Variants in IGF1R observed in about 807,000 individuals in gnomAD.
The protein encoded by IGF1R is insulin-like growth factor 1 receptor.
A neutral mutation model predicts 144.6 loss-of-function variants in IGF1R; 44 were observed. That is an observed-to-expected ratio of 0.30 (90% CI 0.24 to 0.39). IGF1R has a LOEUF of 0.39. IGF1R is among the 10% of genes least tolerant of loss of function. IGF1R has a pLI of 1.00. For synonymous variants in IGF1R, 795 were observed against 722.8 expected, an observed-to-expected ratio of 1.10 and a Z score of -1.60; for missense variants, 1,355 against 1,833.7, an observed-to-expected ratio of 0.74 and a Z score of 4.77.
intron 15 of IGF1R, among the ~76,000 whole-genome samples, chr15:98,931,294 T>C (rs917747081): frequency 7.2e-5 from 11 of 152,158 alleles, no homozygotes; most frequent in Non-Finnish European, 1.5e-5. Flanking sequence ...GAAAAAGTGT[T>C]TGCTGTCTTC....
intron 2 of IGF1R, among the ~76,000 whole-genome samples, chr15:98,808,772 T>C (rs564355847): frequency 2.0e-5 from 3 of 151,948 alleles, no homozygotes; most frequent in South Asian, 4.2e-4. Context: ...CTCAAAGTCC[T>C]GGGCTCAAGA....
At chr15:98,687,218 A>G (rs1267734632) in intron 1 of IGF1R, among the ~76,000 whole-genome samples, 1 of 152,208 alleles carries the variant, frequency 6.6e-6, no homozygotes, top group Non-Finnish European at 1.5e-5. Context: ...CCAGCTGCGC[A>G]TGGGATCACA....
At chr15:98,909,048 C>T (rs70961703) in intron 6 of IGF1R, 149 bp downstream of exon 6, 25 of 726,732 alleles carry the variant, frequency 3.4e-5, no homozygotes, top group African/African-American at 3.1e-4. Flanking sequence ...TTTGCTCCTA[C>T]TTATATGTCA....
chr15:98,748,763 A>G (rs1354206346), intron 2 of IGF1R, among the ~76,000 whole-genome samples: 2 of 152,210 alleles, frequency 1.3e-5, no homozygotes, highest in African/African-American at 4.8e-5. Flanking sequence ...GGCAATGGAT[A>G]TATGTAAGTT....
chr15:98,877,794 A>G (rs2013139218), intron 2 of IGF1R, among the ~76,000 whole-genome samples: 3 of 152,200 alleles, frequency 2.0e-5, no homozygotes, highest in Admixed American at 2.0e-4. Context: ...TACCTCGTAC[A>G]TTTATCACAG....
chr15:98,908,288 G>C (rs2014829760), intron 5 of IGF1R, among the ~76,000 whole-genome samples: 2 of 152,356 alleles, frequency 1.3e-5, no homozygotes, highest in South Asian at 4.1e-4. Context: ...TTAGAGCAAA[G>C]TGTACGCTGT....
At chr15:98,867,538 G>C (rs990394312) in intron 2 of IGF1R, among the ~76,000 whole-genome samples, 1 of 152,118 alleles carries the variant, frequency 6.6e-6, no homozygotes, top group Non-Finnish European at 1.5e-5. Context: ...CTCTTGGCTG[G>C]AAGTGTTCTT....
chr15:98,651,349 G>C (rs1437912420), intron 1 of IGF1R, among the ~76,000 whole-genome samples: 1 of 152,240 alleles, frequency 6.6e-6, no homozygotes, highest in South Asian at 2.1e-4. Context: ...ACAGATCTGG[G>C]CTCTCCTGCT....
At chr15:98,818,932 A>G (rs1443347759) in intron 2 of IGF1R, among the ~76,000 whole-genome samples, 2 of 152,104 alleles carry the variant, frequency 1.3e-5, no homozygotes, top group African/African-American at 2.4e-5. Context: ...GGGAATGGAG[A>G]CTGGGAGAGT....
At chr15:98,956,374 C>T (rs2016984301) in intron 20 of IGF1R, among the ~76,000 whole-genome samples, 1 of 152,256 alleles carries the variant, frequency 6.6e-6, no homozygotes, top group African/African-American at 2.4e-5. Context: ...TTCAGGTCTA[C>T]ACGGGGCCTC....
At chr15:98,658,743 T>G (rs2052538533) in intron 1 of IGF1R, among the ~76,000 whole-genome samples, 1 of 152,212 alleles carries the variant, frequency 6.6e-6, no homozygotes, top group African/African-American at 2.4e-5. Flanking sequence ...TACTTTCCCA[T>G]TACTCCTTTT....
chr15:98,900,291 A>G (rs909184761), intron 5 of IGF1R, among the ~76,000 whole-genome samples: 1 of 152,222 alleles, frequency 6.6e-6, no homozygotes, highest in African/African-American at 2.4e-5. Flanking sequence ...GTACCTTTGC[A>G]TATGTACTTT....
chr15:98,817,584 A>T (rs1372779112), intron 2 of IGF1R, among the ~76,000 whole-genome samples: 4 of 152,100 alleles, frequency 2.6e-5, no homozygotes, highest in African/African-American at 9.7e-5. Flanking sequence ...AGGAGAAAGG[A>T]TAAGAAGAAA....
chr15:98,795,958 G>A (rs1373511527), intron 2 of IGF1R, among the ~76,000 whole-genome samples: 1 of 152,166 alleles, frequency 6.6e-6, no homozygotes, highest in South Asian at 2.1e-4. Context: ...TTACTTTTTG[G>A]ATATCTGAAA....
chr15:98,921,250 T>C (rs921035691), intron 10 of IGF1R, among the ~76,000 whole-genome samples: 32 of 152,184 alleles, frequency 2.1e-4, no homozygotes, highest in African/African-American at 7.5e-4. Context: ...CTGTAAACAT[T>C]AGAATTCTGT....
chr15:98,651,988 G>A (rs1291075594), intron 1 of IGF1R, among the ~76,000 whole-genome samples: 3 of 152,182 alleles, frequency 2.0e-5, no homozygotes, highest in Admixed American at 1.3e-4. Context: ...AGCCCTATCA[G>A]GGAGGGCGTT....
At chr15:98,854,477 A>C (rs1213672543) in intron 2 of IGF1R, among the ~76,000 whole-genome samples, 1 of 152,160 alleles carries the variant, frequency 6.6e-6, no homozygotes, top group East Asian at 1.9e-4. Context: ...CTGGTAAATC[A>C]TCTCTCCCAT....
At chr15:98,939,171 C>A (rs2151713790) in intron 17 of IGF1R, 30 bp from the exon 18 acceptor site, 1 of 1,604,506 alleles carries the variant, frequency 6.2e-7, no homozygotes, top group Non-Finnish European at 8.5e-7. Flanking sequence ...ATCCAAAATT[C>A]TCATGTGAAT....
intron 2 of IGF1R, among the ~76,000 whole-genome samples, chr15:98,878,531 G>A (rs2141622821): frequency 6.6e-6 from 1 of 152,006 alleles, no homozygotes; most frequent in Non-Finnish European, 1.5e-5. Flanking sequence ...GTCCATTTAA[G>A]CATCTGTGAC....
Sources: allele counts gnomAD v4.1 joint callset (sites outside exome capture counted in the v4.1 genomes callset), GRCh38; gene constraint gnomAD v4.1.1; transcripts MANE v1.5; gene names NCBI Gene and HGNC (gene_info 2026-07-23, HGNC 2026-07-21).